Variants in SSUH2 observed in about 807,000 individuals in gnomAD.
SSUH2 encodes protein SSUH2 homolog.
A neutral mutation model predicts 55.3 loss-of-function variants in SSUH2; 47 were observed. That is an observed-to-expected ratio of 0.85 (90% CI 0.67 to 1.08). The LOEUF is 1.08. SSUH2 is among the 50% of genes least tolerant of loss of function. SSUH2 has a pLI of 0.00. For missense variants in SSUH2, 535 were observed against 490.7 expected (o/e 1.09, Z -0.85); for synonymous variants, 212 against 191.5 (o/e 1.11, Z -0.89).
At chr3:8,679,328 C>A (rs560764754) in intron 2 of SSUH2, among the ~76,000 whole-genome samples, 1 of 79,376 alleles carries the variant, frequency 1.3e-5, no homozygotes, top group African/African-American at 3.5e-5. Context: ...GAGCCAGCCC[C>A]TCTTCCCGCC....
intron 6 of SSUH2, among the ~76,000 whole-genome samples, chr3:8,660,955 G>C (rs142848795): frequency 6.6e-6 from 1 of 152,326 alleles, no homozygotes; most frequent in East Asian, 1.9e-4. Flanking sequence ...CCCAGACAGA[G>C]CAAGGGGACA....
At chr3:8,671,805 C>A (rs1443985237) in intron 4 of SSUH2, 3 of 151,382 alleles carry the variant, frequency 2.0e-5, no homozygotes, top group Non-Finnish European at 2.9e-5. Context: ...TATCACCCCC[C>A]CTCTCCCCAC....
intron 6 of SSUH2, among the ~76,000 whole-genome samples, chr3:8,663,428 C>G (rs1053162969): frequency 1.3e-5 from 2 of 152,234 alleles, no homozygotes; most frequent in Non-Finnish European, 2.9e-5. Flanking sequence ...GGATTCAGAC[C>G]CCTGTCTCTC....
At chr3:8,659,573 C>T (rs1174892932) in intron 6 of SSUH2, 2 of 330,910 alleles carry the variant, frequency 6.0e-6, no homozygotes, top group Admixed American at 4.1e-5. Context: ...AAGTCCATAT[C>T]ATGTCTTTCC....
intron 1 of SSUH2, among the ~76,000 whole-genome samples, chr3:8,643,241 T>TA (rs964444265): frequency 1.4e-4 from 22 of 152,074 alleles, no homozygotes; most frequent in African/African-American, 2.7e-4. Context: ...ACCATCCCTT[T>TA]AAAAAAAATT....
In SSUH2 at chr3:8,681,108, G is replaced by A. The variant is rs557550732; in HGVS notation, c.-1046+783C>T. ...GGGGGGAGAGGCACCCCCGCGAGGC[G>A]GGTTCTGAGAGCCAGCCCCTCTTCC... On this transcript the variant is annotated intron_variant, in intron 1 of 18. Transcript: ENST00000317371. Among the ~76,000 whole-genome samples the A allele has an allele frequency of 3.2e-3, 306 of 96,546 alleles. 3 individuals are homozygous for A. The highest frequency in any genetic ancestry group is 8.8e-3 in the African/African-American group (301 of 34,100). 63.3% of individuals were successfully genotyped at this position (96,546 alleles called of 152,430 possible).
rs1005406447 is a variant in SSUH2 at position 8,659,093 on chromosome 3, T to C, written c.-395-80A>G. ...AGTGAAAAATCAGCAAGGGTGAAAT[T>C]CTAGCCCAGGTCTGCCTGACTCCGA... On this transcript the variant is annotated intron_variant, in intron 6 of 18. Transcript: ENST00000317371. 7 of 152,298 alleles carry C rather than the reference T, an allele frequency of 4.6e-5. 1 individual carries two copies. The highest frequency in any genetic ancestry group is 4.6e-4 in the Admixed American group (7 of 15,302). 9.4% of individuals were successfully genotyped at this position (152,298 alleles called of 1,614,324 possible). A position where few individuals can be genotyped will look rare whatever the true frequency, so the allele number is the denominator to read the frequency against.
At chr3:8,628,350 A>T (rs1231849736) in intron 7 of SSUH2, among the ~76,000 whole-genome samples, 1 of 152,136 alleles carries the variant, frequency 6.6e-6, no homozygotes, top group Non-Finnish European at 1.5e-5. Flanking sequence ...TCGAATCAGG[A>T]CACCAAAGAA....
chr3:8,627,887 CT>C, intron 7 of SSUH2, 104 bp from the exon 8 acceptor site: 2 of 961,286 alleles, frequency 2.1e-6, no homozygotes, highest in Non-Finnish European at 3.0e-6. Context: ...CTTCCTCCCC[CT>C]GGGCCTTAGC....
intron 3 of SSUH2, among the ~76,000 whole-genome samples, chr3:8,673,595 G>A (rs1413413283): frequency 6.6e-6 from 1 of 152,146 alleles, no homozygotes; most frequent in African/African-American, 2.4e-5. Context: ...ACCACACCTG[G>A]GTTGATTGCC....
intron 11 of SSUH2, among the ~76,000 whole-genome samples, chr3:8,621,921 GC>G (rs914321005): frequency 2.0e-5 from 3 of 151,536 alleles, no homozygotes; most frequent in East Asian, 1.9e-4. Context: ...GGCAATACCA[GC>G]CCCCCCACAA....
chr3:8,651,502 G>T (rs1702407642), intron 7 of SSUH2, among the ~76,000 whole-genome samples: 1 of 152,152 alleles, frequency 6.6e-6, no homozygotes, highest in African/African-American at 2.4e-5. Context: ...TTTGAATGTT[G>T]CCCTGAGGTC....
intron 11 of SSUH2, among the ~76,000 whole-genome samples, chr3:8,621,928 C>A (rs368093560): frequency 3.3e-5 from 5 of 151,940 alleles, no homozygotes; most frequent in Non-Finnish European, 5.9e-5. Flanking sequence ...CCAGCCCCCC[C>A]ACAACCCCCG....
chr3:8,680,752 T>C (rs186468979), intron 1 of SSUH2, among the ~76,000 whole-genome samples: 1 of 152,034 alleles, frequency 6.6e-6, no homozygotes, highest in Non-Finnish European at 1.5e-5. Flanking sequence ...CAGGGGTGTA[T>C]ACTTACTGCG....
At chr3:8,647,200 G>A (rs1406829698), upstream of SSUH2, among the ~76,000 whole-genome samples, 2 of 152,188 alleles carry the variant, frequency 1.3e-5, no homozygotes, top group Non-Finnish European at 2.9e-5. Flanking sequence ...TTCAATAACT[G>A]TCTTCAAGTG....
At chr3:8,642,258 G>A (rs1438856128) in intron 1 of SSUH2, among the ~76,000 whole-genome samples, 1 of 152,166 alleles carries the variant, frequency 6.6e-6, no homozygotes, top group Non-Finnish European at 1.5e-5. Context: ...CTCTGTGCTA[G>A]GACACTGCAC....
At chr3:8,679,577 CCCT>C (rs1705812989) in intron 2 of SSUH2, 1 of 159,850 alleles carries the variant, frequency 6.3e-6, no homozygotes, top group Non-Finnish European at 1.3e-5. Context: ...TCTCTTCCCC[CCCT>C]GGCTCTTGGG....
chr3:8,623,562 C>A lies in SSUH2; in HGVS notation c.968G>T (p.Arg323Leu), dbSNP rs761174303. Reference protein sequence around the residue: ...EHSAALASRARVLQQRQTIEL... With the variant: ...EHSAALASRALVLQQRQTIEL... ...GCCCTGGCTCACCTGCTGCAGGACG[C>A]GGGCACGGGAGGCCAAGGCAGCGCT... Residue 323 changes from arginine (R) to leucine (L), a missense_variant, in exon 11 of 12, where the codon CGC (arginine) becomes CTC (leucine). Physicochemically the swap from Arg to Leu is moderately radical, Grantham distance 102. Transcript: ENST00000544814. 3 of 1,549,046 alleles carry A rather than the reference C, an allele frequency of 1.9e-6. No homozygotes were observed. The South Asian group carries it at 3.6e-5, about 18-fold the overall frequency.
rs1235215754 is a variant in SSUH2 at position 8,619,480 on chromosome 3, C to G, written c.*388G>C. ...TGTATCCTTGAACATTTCAGTAATA[C>G]TCAGATCGTCAAGAGGCTCCCACTA... On this transcript the variant is annotated 3_prime_UTR_variant, in exon 12 of 12. Transcript: ENST00000544814. The G allele has an allele frequency of 1.6e-5, 3 of 187,934 alleles. No individual in the cohort carries two copies. Among genetic ancestry groups the G allele is most frequent in the Non-Finnish European group, 3.3e-5 (3 of 92,222 alleles). The allele number at this position is 187,934 out of a possible 1,614,324, so 11.6% of individuals were successfully genotyped here.
Sources: gnomAD v4.1 joint callset for allele counts (sites outside exome capture counted in the v4.1 genomes callset) on GRCh38, gnomAD v4.1.1 for gene constraint, MANE v1.5 for transcripts, NCBI Gene and HGNC (gene_info 2026-07-23, HGNC 2026-07-21) for gene names.